ATP6V1C2: variants seen among roughly 807,000 people sequenced by gnomAD.
ATP6V1C2 encodes the protein ATPase H+ transporting V1 subunit C2, also known as V-type proton ATPase subunit C 2.
A neutral mutation model predicts 56.8 loss-of-function variants in ATP6V1C2; 45 were observed. The ratio of observed to expected loss-of-function variants is 0.79; its 90% CI spans 0.62 to 1.02. The LOEUF is 1.02. Ranked by LOEUF, ATP6V1C2 falls within the 50% of genes least tolerant of loss-of-function variation. The probability of loss-of-function intolerance (pLI) is 0.00; values close to 1 mark genes in which losing one functional copy is unlikely to be tolerated. For synonymous variants in ATP6V1C2, 220 were observed against 201.3 expected (o/e 1.09, Z -0.79); for missense variants, 463 against 519.7 (o/e 0.89, Z 1.06).
rs1664059510 is a variant in ATP6V1C2, at chr2:10,763,730, A to G, written c.284-601A>G. ...GTAGCTCTCTTCAAGAGTGTGGAGA[A>G]CTAACCTGAAGAGAGCAGGCAAGGT... On this transcript the variant is annotated intron_variant, in intron 4 of 13. Transcript: ENST00000272238. The surrounding 1 kb of genome is among the most constrained non-coding windows in gnomAD (Gnocchi z 4.2). 6.6e-6 allele frequency among the ~76,000 whole-genome samples: 1 copy of G among 151,890 alleles called. No homozygotes were observed. Among genetic ancestry groups the G allele is most frequent in the Admixed American group, 6.5e-5 (1 of 15,270 alleles).
intron 5 of ATP6V1C2, among the ~76,000 whole-genome samples, chr2:10,767,611 C>G (rs1257425514): frequency 6.6e-5 from 10 of 152,092 alleles, no homozygotes; most frequent in Admixed American, 6.6e-4. Context: ...GCATCCACCA[C>G]CAAGCCCAGC....
intron 10 of ATP6V1C2, among the ~76,000 whole-genome samples, chr2:10,777,213 G>A (rs1352422298): frequency 1.3e-5 from 2 of 152,214 alleles, no homozygotes; most frequent in Non-Finnish European, 2.9e-5. Flanking sequence ...GGGCATGGTG[G>A]AGCCACCTTG....
Position 10,735,934 on chromosome 2 carries a change from G to A in ATP6V1C2, c.197+9365G>A, listed in dbSNP as rs376261595. Among the ~76,000 whole-genome samples, 700 of 152,236 alleles carry A rather than the reference G, an allele frequency of 4.6e-3. 3 individuals carry two copies. Among genetic ancestry groups the A allele is most frequent in the Non-Finnish European group, 7.5e-3 (507 of 68,026 alleles). ...ATGCAGATTCTGACTCAGTGGATCT[G>A]GGCTGGAGCCAGGATTCTGCATTTC... On this transcript the variant is annotated intron_variant, in intron 3 of 13. Coordinates refer to ENST00000272238, the MANE Select transcript of ATP6V1C2 (RefSeq NM_001039362.2).
chr2:10,782,522 A>C (rs1242303242), intron 13 of ATP6V1C2, 147 bp downstream of exon 13: 6 of 927,544 alleles, frequency 6.5e-6, no homozygotes, highest in Non-Finnish European at 9.4e-6. Flanking sequence ...CAACATGGTA[A>C]GACCCTGTCT....
intron 4 of ATP6V1C2, among the ~76,000 whole-genome samples, chr2:10,762,570 G>A (rs975206094): frequency 5.3e-5 from 8 of 152,036 alleles, no homozygotes; most frequent in Admixed American, 6.5e-5. Context: ...TTCGTCTCAC[G>A]TGCTGGCATT....
chr2:10,768,850 C>A (rs764867811), intron 6 of ATP6V1C2, 40 bp downstream of exon 6: 8 of 1,565,222 alleles, frequency 5.1e-6, no homozygotes, highest in Non-Finnish European at 7.0e-6. Context: ...GGGGGCAGGT[C>A]CTGGCGGGGG....
chr2:10,750,378 A>C (rs1030063623), intron 3 of ATP6V1C2, among the ~76,000 whole-genome samples: 1 of 152,008 alleles, frequency 6.6e-6, no homozygotes, highest in Non-Finnish European at 1.5e-5. Flanking sequence ...TTAGCAGGGC[A>C]TGGTGACGGG....
chr2:10,730,979 G>T (rs370215038), intron 3 of ATP6V1C2, among the ~76,000 whole-genome samples: 91 of 147,794 alleles, frequency 6.2e-4, no homozygotes, highest in African/African-American at 2.1e-3. Flanking sequence ...ATGAGACAGG[G>T]TCTTGCTCTG....
In ATP6V1C2 at chr2:10,753,875, A is replaced by T. The variant is rs550868871; in HGVS notation, c.198-106A>T. On this transcript the variant is annotated intron_variant, in intron 3 of 13. Coordinates refer to ENST00000272238, the MANE Select transcript of ATP6V1C2 (RefSeq NM_001039362.2). Reference sequence around the variant, plus strand: ...CCCTCTTCATACATCTTGCCAAATTATTCCCCCAAAGGGTGTCACCAGCTA... The same window carrying T: ...CCCTCTTCATACATCTTGCCAAATTTTTCCCCCAAAGGGTGTCACCAGCTA... The T allele has an allele frequency of 4.9e-6, 5 of 1,024,398 alleles. No homozygotes were observed. The Admixed American group carries it at 1.1e-4, about 22-fold the overall frequency. The allele number at this position is 1,024,398 out of a possible 1,614,324, so 63.5% of individuals were successfully genotyped here.
At chr2:10,765,238 C>T (rs1449825293) in intron 5 of ATP6V1C2, among the ~76,000 whole-genome samples, 17 of 152,202 alleles carry the variant, frequency 1.1e-4, no homozygotes, top group Admixed American at 7.9e-4. Context: ...AAATGAACAC[C>T]CTGTGACTCG....
chr2:10,726,152 T>C lies in ATP6V1C2; in HGVS notation c.130-350T>C, dbSNP rs545311333. ...AAAAGCTTTTAGGAATGAGAACTTC[T>C]TTAACTTGCTTTCTGGTGTATCTCT... On this transcript the variant is annotated intron_variant, in intron 2 of 13. Coordinates refer to ENST00000272238, the MANE Select transcript of ATP6V1C2 (RefSeq NM_001039362.2). Among the ~76,000 whole-genome samples, 18 of 152,310 alleles carry C rather than the reference T, an allele frequency of 1.2e-4. No individual in the cohort carries two copies. In the South Asian group the frequency reaches 3.7e-3, roughly 32 times the overall value.
chr2:10,743,368 G>A (rs896160808), intron 3 of ATP6V1C2, among the ~76,000 whole-genome samples: 14 of 150,518 alleles, frequency 9.3e-5, no homozygotes, highest in Non-Finnish European at 8.9e-5. Context: ...GCCTCCCAAA[G>A]TGCTGGGATT....
At chr2:10,749,172 TA>T (rs2148450407) in intron 3 of ATP6V1C2, among the ~76,000 whole-genome samples, 1 of 146,034 alleles carries the variant, frequency 6.8e-6, no homozygotes, top group South Asian at 2.2e-4. Flanking sequence ...TCAAAACACC[TA>T]AAAAATTATA....
intron 3 of ATP6V1C2, among the ~76,000 whole-genome samples, chr2:10,742,635 G>T (rs1662619968): frequency 6.6e-6 from 1 of 152,088 alleles, no homozygotes; most frequent in Non-Finnish European, 1.5e-5. Context: ...CCTGGCTGTG[G>T]GTGCGGAAGA....
chr2:10,782,303 CA>C lies in ATP6V1C2; in HGVS notation c.1124del (p.Lys375SerfsTer3). 6.2e-7 allele frequency: 1 copy of C among 1,614,198 alleles called. No homozygotes were observed. Among genetic ancestry groups the C allele is most frequent in the Non-Finnish European group, 8.5e-7 (1 of 1,180,040 alleles). On this transcript the variant is annotated frameshift_variant, in exon 13 of 14. Transcript: ENST00000272238. LOFTEE classifies it high-confidence loss of function. ...TGCAGCCGCATAAGAAGTCATCCAC[CA>C]AGCGTTTAAGAGAGGTTCTAAACTC... is the stretch of plus-strand genomic sequence containing the variant. ...LLQPHKKSST[K>X]RLREVLNSVF...
At chr2:10,769,198 G>T (rs905898551) in intron 6 of ATP6V1C2, among the ~76,000 whole-genome samples, 1 of 152,230 alleles carries the variant, frequency 6.6e-6, no homozygotes, top group Non-Finnish European at 1.5e-5. Context: ...CAGCAGGGTG[G>T]TGGGCTCTGT....
At chr2:10,740,968 T>C (rs1202337742) in intron 3 of ATP6V1C2, among the ~76,000 whole-genome samples, 2 of 152,234 alleles carry the variant, frequency 1.3e-5, no homozygotes, top group African/African-American at 4.8e-5. Flanking sequence ...ATTACAGGCG[T>C]GAGCCACCAC....
intron 3 of ATP6V1C2, among the ~76,000 whole-genome samples, chr2:10,749,632 T>C (rs1410947155): frequency 6.6e-6 from 1 of 152,206 alleles, no homozygotes; most frequent in Non-Finnish European, 1.5e-5. Context: ...TAGGGTAGTT[T>C]AGTCTTGCTT....
At chr2:10,758,248 T>A (rs1480065802) in intron 4 of ATP6V1C2, among the ~76,000 whole-genome samples, 3 of 152,222 alleles carry the variant, frequency 2.0e-5, no homozygotes, top group Non-Finnish European at 1.5e-5. Context: ...AAAATAGTGA[T>A]CAAAGTGCTT....
Sources: allele counts gnomAD v4.1 joint callset (sites outside exome capture counted in the v4.1 genomes callset), GRCh38; gene constraint gnomAD v4.1.1; non-coding constraint Gnocchi (gnomAD v3.1); transcripts MANE v1.5; gene names NCBI Gene and HGNC (gene_info 2026-07-23, HGNC 2026-07-21).